Variants in PTPN4 observed in about 807,000 individuals in gnomAD.
The protein encoded by PTPN4 is tyrosine-protein phosphatase non-receptor type 4.
A neutral mutation model predicts 135.5 loss-of-function variants in PTPN4; 49 were observed. The ratio of observed to expected loss-of-function variants is 0.36; its 90% CI spans 0.29 to 0.46. The LOEUF (loss-of-function observed/expected upper bound fraction) is 0.46. Among genes scored for constraint, PTPN4 ranks in the 20% least tolerant of loss-of-function variants. The pLI, the probability that PTPN4 is intolerant of heterozygous loss-of-function variation, is 1.00. For missense variants in PTPN4, 860 were observed against 1,101.0 expected (o/e 0.78, Z 3.10); for synonymous variants, 333 against 369.9 (o/e 0.90, Z 1.14).
At chr2:119,908,745 C>G (rs1291093692) in intron 10 of PTPN4, among the ~76,000 whole-genome samples, 1 of 152,140 alleles carries the variant, frequency 6.6e-6, no homozygotes, top group Admixed American at 6.5e-5. Context: ...GTGAGGAAGG[C>G]ATGTCAAAGT....
intron 1 of PTPN4, among the ~76,000 whole-genome samples, chr2:119,767,101 C>T (rs1016632124): frequency 1.3e-5 from 2 of 152,142 alleles, no homozygotes; most frequent in East Asian, 1.9e-4. Context: ...AGCTATGTAC[C>T]GTGTGTATAC....
intron 3 of PTPN4, among the ~76,000 whole-genome samples, chr2:119,863,317 A>G (rs898359387): frequency 6.6e-6 from 1 of 152,130 alleles, no homozygotes; most frequent in Non-Finnish European, 1.5e-5. Context: ...TAAAGGGTAT[A>G]CAAGCAAATT....
chr2:119,813,059 AC>A (rs1473878345), intron 2 of PTPN4, among the ~76,000 whole-genome samples: 2 of 152,144 alleles, frequency 1.3e-5, no homozygotes, highest in Non-Finnish European at 2.9e-5. Flanking sequence ...ACACACACAC[AC>A]AAAAGGCTTA....
At chr2:119,810,116 T>C (rs1691552224) in intron 2 of PTPN4, 125 bp downstream of exon 2, 1 of 1,160,460 alleles carries the variant, frequency 8.6e-7, no homozygotes, top group Non-Finnish European at 1.2e-6. Context: ...AAAAAGTCTT[T>C]TTGGTGCAGG....
rs1191732603 is a variant in PTPN4 at position 119,946,418 on chromosome 2, T to C, written c.1593T>C (p.Asn531=). 1 of 1,608,918 alleles carries C rather than the reference T, an allele frequency of 6.2e-7. No homozygotes were observed. Among genetic ancestry groups the C allele is most frequent in the East Asian group, 2.2e-5 (1 of 44,700 alleles). ...KPDENGRFGF[N]VKGGYDQKMP... The stretch of plus-strand genomic sequence containing the variant: ...ATGAAAATGGGAGGTTTGGATTCAA[T>C]GTAAAGGTAATCTGGAATTTATTTT... The change falls in exon 17 of 27, where the codon AAT becomes AAC. Residue 531 remains asparagine, a synonymous_variant. Coordinates refer to ENST00000263708, the MANE Select transcript of PTPN4 (RefSeq NM_002830.4).
At chr2:119,903,359 C>T (rs148187166) in intron 10 of PTPN4, among the ~76,000 whole-genome samples, 1 of 152,184 alleles carries the variant, frequency 6.6e-6, no homozygotes, top group East Asian at 1.9e-4. Context: ...GTGATAACAT[C>T]AAGGGCCTGA....
intron 11 of PTPN4, chr2:119,915,930 C>A (rs958543825): frequency 1.3e-5 from 2 of 152,190 alleles, no homozygotes; most frequent in African/African-American, 4.8e-5. Context: ...GTGGCTCAAT[C>A]CTGTAATCCC....
chr2:119,863,284 A>T (rs779947136), intron 3 of PTPN4, among the ~76,000 whole-genome samples: 16 of 152,114 alleles, frequency 1.1e-4, no homozygotes, highest in Non-Finnish European at 2.2e-4. Flanking sequence ...GCACTAAAGG[A>T]TATACCTTAC....
chr2:119,913,969 C>T (rs1361669069), intron 10 of PTPN4, among the ~76,000 whole-genome samples: 1 of 151,938 alleles, frequency 6.6e-6, no homozygotes, highest in African/African-American at 2.4e-5. Flanking sequence ...AAATACAAGT[C>T]ACACACAATA....
intron 25 of PTPN4, among the ~76,000 whole-genome samples, chr2:119,966,807 A>C (rs1212309589): frequency 2.6e-5 from 4 of 152,148 alleles, no homozygotes; most frequent in Non-Finnish European, 5.9e-5. Context: ...TTTCTTTGAG[A>C]CCCAAGTCCC....
intron 3 of PTPN4, among the ~76,000 whole-genome samples, chr2:119,868,619 GA>G (rs1677866168): frequency 6.6e-6 from 1 of 152,202 alleles, no homozygotes; most frequent in South Asian, 2.1e-4. Flanking sequence ...ACCCAGGGCG[GA>G]AAACCGCTTA....
chr2:119,956,337 T>C (rs957493646), intron 20 of PTPN4, among the ~76,000 whole-genome samples: 3 of 148,430 alleles, frequency 2.0e-5, no homozygotes, highest in African/African-American at 7.4e-5. Context: ...CCTCAGCCTC[T>C]CAAGTAGCTG....
At chr2:119,783,680 C>A (rs1049855100) in intron 1 of PTPN4, among the ~76,000 whole-genome samples, 11 of 152,090 alleles carry the variant, frequency 7.2e-5, no homozygotes, top group Non-Finnish European at 1.5e-4. Context: ...CCTGCGTAAC[C>A]GTAGGCAAGC....
intron 1 of PTPN4, among the ~76,000 whole-genome samples, chr2:119,807,798 C>T (rs924671999): frequency 6.6e-6 from 1 of 152,160 alleles, no homozygotes; most frequent in African/African-American, 2.4e-5. Flanking sequence ...ACCAATATCC[C>T]TGATGAACAT....
chr2:119,962,493 T>G (rs1346725967), intron 23 of PTPN4, 123 bp from the exon 24 acceptor site: 12 of 560,422 alleles, frequency 2.1e-5, no homozygotes, highest in Non-Finnish European at 3.1e-5. Context: ...GAGATGAAAT[T>G]TATTAAATTT....
Position 119,977,161 on chromosome 2 carries a change from C to A in PTPN4, c.*91C>A, listed in dbSNP as rs1431880800. The stretch of plus-strand genomic sequence containing the variant: ...GCTGCTCGCAGGAAATGGCATTTTA[C>A]AAAAAAAAAATGAAGAACTCAAAAA... On this transcript the variant is annotated 3_prime_UTR_variant, in exon 27 of 27. Coordinates refer to ENST00000263708, the MANE Select transcript of PTPN4 (RefSeq NM_002830.4). The A allele has an allele frequency of 9.8e-5, 122 of 1,248,864 alleles. No individual in the cohort carries two copies. Among genetic ancestry groups the A allele is most frequent in the South Asian group, 4.9e-4 (21 of 42,852 alleles). The allele number at this position is 1,248,864 out of a possible 1,614,324, so 77.4% of individuals were successfully genotyped here.
intron 2 of PTPN4, among the ~76,000 whole-genome samples, chr2:119,847,260 A>G (rs1677514082): frequency 6.8e-6 from 1 of 146,346 alleles, no homozygotes; most frequent in Admixed American, 6.9e-5. Context: ...TAAGAAAAAA[A>G]GGAGATACTC....
intron 1 of PTPN4, among the ~76,000 whole-genome samples, chr2:119,778,612 G>A (rs935013447): frequency 2.6e-5 from 4 of 152,148 alleles, no homozygotes; most frequent in Admixed American, 6.5e-5. Context: ...ATGCTGAAAT[G>A]TATAAATAGG....
intron 13 of PTPN4, among the ~76,000 whole-genome samples, chr2:119,928,096 G>C (rs1179784978): frequency 6.6e-6 from 1 of 152,068 alleles, no homozygotes; most frequent in East Asian, 1.9e-4. Context: ...TTTTATATAT[G>C]TGTGTATATT....
Sources: allele counts gnomAD v4.1 joint callset (sites outside exome capture counted in the v4.1 genomes callset), GRCh38; gene constraint gnomAD v4.1.1; transcripts MANE v1.5; gene names NCBI Gene and HGNC (gene_info 2026-07-23, HGNC 2026-07-21).